Variants in TNFAIP6 observed in about 807,000 individuals in gnomAD.
TNFAIP6 encodes tumor necrosis factor-inducible gene 6 protein.
In TNFAIP6, 36 loss-of-function variants were observed where a neutral mutation model predicts 33.7. That is an observed-to-expected ratio of 1.07 (90% confidence interval 0.82 to 1.41). The LOEUF is 1.41. TNFAIP6 is among the 40% of genes most tolerant of loss of function. The probability of loss-of-function intolerance (pLI) is 0.00; values close to 1 mark genes in which losing one functional copy is unlikely to be tolerated. For synonymous variants in TNFAIP6, 113 were observed against 112.8 expected (o/e 1.00, Z -0.01); for missense variants, 273 against 331.9 (o/e 0.82, Z 1.38).
chr2:151,378,648 C>T (rs1452423558), intron 5 of TNFAIP6, among the ~76,000 whole-genome samples: 4 of 151,712 alleles, frequency 2.6e-5, no homozygotes, highest in Admixed American at 6.6e-5. Flanking sequence ...CCACCAAGCC[C>T]GGCTGATTTT....
At chr2:151,365,330 A>G (rs1684692409) in intron 2 of TNFAIP6, among the ~76,000 whole-genome samples, 1 of 151,428 alleles carries the variant, frequency 6.6e-6, no homozygotes, top group Non-Finnish European at 1.5e-5. Context: ...ATGACAGAGC[A>G]AGACCATGTC....
chr2:151,374,108 G>T (rs923570592), intron 5 of TNFAIP6, among the ~76,000 whole-genome samples: 1 of 152,144 alleles, frequency 6.6e-6, no homozygotes, highest in Admixed American at 6.5e-5. Context: ...TTTGGAAAAC[G>T]TTGGGTTAAA....
chr2:151,376,436 A>G (rs988584461), intron 5 of TNFAIP6, among the ~76,000 whole-genome samples: 1 of 143,280 alleles, frequency 7.0e-6, no homozygotes, highest in Non-Finnish European at 1.6e-5. Context: ...AAAAAAAAAA[A>G]GAAAGAAAGA....
At chr2:151,376,777 AC>A (rs1482440840) in intron 5 of TNFAIP6, among the ~76,000 whole-genome samples, 1 of 151,770 alleles carries the variant, frequency 6.6e-6, no homozygotes, top group African/African-American at 2.4e-5. Flanking sequence ...GTTTCAATGA[AC>A]ATTTTAAAAC....
intron 1 of TNFAIP6, among the ~76,000 whole-genome samples, chr2:151,359,972 CA>C (rs1306802068): frequency 5.9e-5 from 9 of 152,016 alleles, no homozygotes; most frequent in African/African-American, 2.2e-4. Flanking sequence ...CACAGATAAG[CA>C]ATTATTTTTA....
At chr2:151,376,860 CTTTTCTTT>C (rs1684915820) in intron 5 of TNFAIP6, among the ~76,000 whole-genome samples, 10 of 113,360 alleles carry the variant, frequency 8.8e-5, no homozygotes, top group Non-Finnish European at 9.1e-5. Flanking sequence ...ATTTCTTTTT[CTTTTCTTT>C]TTTTTTTTTT....
intron 4 of TNFAIP6, among the ~76,000 whole-genome samples, chr2:151,372,825 C>G (rs1450518862): frequency 1.3e-5 from 2 of 152,172 alleles, no homozygotes; most frequent in East Asian, 1.9e-4. Flanking sequence ...GAGCCTGAGG[C>G]AGGAGAATCA....
chr2:151,359,323 G>T (rs936391753), intron 1 of TNFAIP6, among the ~76,000 whole-genome samples: 1 of 151,964 alleles, frequency 6.6e-6, no homozygotes, highest in Non-Finnish European at 1.5e-5. Context: ...TTAAATCTAG[G>T]GTGTCCCATC....
intron 5 of TNFAIP6, among the ~76,000 whole-genome samples, chr2:151,378,678 G>C (rs1684961554): frequency 6.6e-6 from 1 of 151,588 alleles, no homozygotes; most frequent in Non-Finnish European, 1.5e-5. Flanking sequence ...TAATAGAGAC[G>C]GGGATTCACC....
chr2:151,376,705 C>T (rs996109199), intron 5 of TNFAIP6, among the ~76,000 whole-genome samples: 4 of 151,796 alleles, frequency 2.6e-5, no homozygotes, highest in Admixed American at 2.6e-4. Context: ...TGTAATTTGT[C>T]ATGTACTAAT....
At chr2:151,366,634 A>G (rs1011623031) in intron 3 of TNFAIP6, among the ~76,000 whole-genome samples, 10 of 152,244 alleles carry the variant, frequency 6.6e-5, no homozygotes, top group African/African-American at 1.7e-4. Flanking sequence ...AGCTAAAACA[A>G]TAAAGTGATG....
At chr2:151,367,873 G>T (rs1287510404) in intron 3 of TNFAIP6, among the ~76,000 whole-genome samples, 1 of 151,708 alleles carries the variant, frequency 6.6e-6, no homozygotes, top group East Asian at 1.9e-4. Flanking sequence ...AAAAAATAAT[G>T]GCTTCACAAA....
chr2:151,360,076 G>A (rs1036174299), intron 1 of TNFAIP6, among the ~76,000 whole-genome samples: 12 of 152,078 alleles, frequency 7.9e-5, no homozygotes, highest in African/African-American at 2.9e-4. Context: ...TGGGCAGATT[G>A]CTTGACCCCA....
chr2:151,371,140 A>T (rs755131785), intron 4 of TNFAIP6, among the ~76,000 whole-genome samples: 47 of 152,228 alleles, frequency 3.1e-4, no homozygotes, highest in Middle Eastern at 3.4e-3. Context: ...TGTGCTAAGT[A>T]TTATGGAAGT....
intron 2 of TNFAIP6, among the ~76,000 whole-genome samples, chr2:151,364,704 T>C (rs1238829077): frequency 6.6e-6 from 1 of 152,148 alleles, no homozygotes; most frequent in Non-Finnish European, 1.5e-5. Context: ...ATTGCTACCA[T>C]CTCTCTTGGC....
At chr2:151,370,797 C>T (rs554560511) in intron 4 of TNFAIP6, among the ~76,000 whole-genome samples, 20 of 152,304 alleles carry the variant, frequency 1.3e-4, no homozygotes, top group East Asian at 3.9e-4. Context: ...GGGCCGGGCA[C>T]GGTGTCTCAC....
chr2:151,360,409 A>G (rs1356111643), intron 1 of TNFAIP6, among the ~76,000 whole-genome samples: 2 of 152,248 alleles, frequency 1.3e-5, no homozygotes, highest in African/African-American at 4.8e-5. Flanking sequence ...TCATCTGGTT[A>G]TACAACTCCA....
In TNFAIP6 at chr2:151,357,885, G is replaced by A. The variant is rs1684562438; in HGVS notation, c.94+125G>A. On this transcript the variant is annotated intron_variant, in intron 1 of 5. Transcript: ENST00000243347. ...CTGATGTTCTCAAAGAAAATGCTTAGGAAAGATAGCCTTTGGAATACATAC... is the reference window on the plus strand; with the variant it reads ...CTGATGTTCTCAAAGAAAATGCTTAAGAAAGATAGCCTTTGGAATACATAC... 1.4e-5 allele frequency: 8 copies of A among 565,214 alleles called. No homozygotes were observed. In the South Asian group the frequency reaches 2.0e-4, roughly 14 times the overall value. 35.0% of individuals were successfully genotyped at this position (565,214 alleles called of 1,614,324 possible).
rs114736513 is a variant in TNFAIP6 at position 151,375,446 on chromosome 2, C to T, written c.664+1857C>T. ...AGCATAGGCCTGGTGTGGTGGCTTA[C>T]GCCTGTAATCCCAGCACATTGGGAG... On this transcript the variant is annotated intron_variant, in intron 5 of 5. Transcript: ENST00000243347. Among the ~76,000 whole-genome samples the T allele has an allele frequency of 8.6e-3, 1,302 of 152,160 alleles. 25 individuals carry two copies. Among genetic ancestry groups the T allele is most frequent in the African/African-American group, 0.03 (1,264 of 41,522 alleles).
Sources: gnomAD v4.1 joint callset for allele counts (sites outside exome capture counted in the v4.1 genomes callset) on GRCh38, gnomAD v4.1.1 for gene constraint, MANE v1.5 for transcripts, NCBI Gene and HGNC (gene_info 2026-07-23, HGNC 2026-07-21) for gene names.